CDC42SE2: variants seen among roughly 807,000 people sequenced by gnomAD.
The protein encoded by CDC42SE2 is CDC42 small effector 2.
Under a neutral mutation model 11.5 loss-of-function variants are expected in CDC42SE2, and 3 were observed. The ratio of observed to expected loss-of-function variants is 0.26; its 90% CI spans 0.12 to 0.67. The LOEUF (loss-of-function observed/expected upper bound fraction) is 0.67, where lower values mean the gene tolerates loss of function less well. Ranked by LOEUF, CDC42SE2 falls within the 30% of genes least tolerant of loss-of-function variation. The pLI is 0.80. For synonymous variants in CDC42SE2, 33 were observed against 34.8 expected (o/e 0.95, Z 0.18); for missense variants, 82 against 106.8 (o/e 0.77, Z 1.02).
At chr5:131,366,167 C>T (rs1243317405) in intron 3 of CDC42SE2, among the ~76,000 whole-genome samples, 1 of 152,192 alleles carries the variant, frequency 6.6e-6, no homozygotes, top group East Asian at 1.9e-4. Context: ...TGTAGATAGT[C>T]ACTTTGTAAT....
At chr5:131,255,852 G>C (rs1205742357) in intron 2 of CDC42SE2, among the ~76,000 whole-genome samples, 1 of 152,144 alleles carries the variant, frequency 6.6e-6, no homozygotes, top group Middle Eastern at 3.2e-3. Flanking sequence ...CAGGCATTGA[G>C]ATTTTATATG....
At chr5:131,311,692 C>T (rs368507628) in intron 1 of CDC42SE2, among the ~76,000 whole-genome samples, 2 of 152,124 alleles carry the variant, frequency 1.3e-5, no homozygotes, top group Non-Finnish European at 2.9e-5. Flanking sequence ...TTTCATTCAT[C>T]TCATCTTCCA....
At chr5:131,357,903 A>G (rs747266968) in intron 2 of CDC42SE2, among the ~76,000 whole-genome samples, 68 of 152,202 alleles carry the variant, frequency 4.5e-4, no homozygotes, top group Non-Finnish European at 1.8e-4. Flanking sequence ...AGTCTAAGGA[A>G]TAGTCCTCAG....
chr5:131,314,739 G>C (rs989395262), intron 1 of CDC42SE2, among the ~76,000 whole-genome samples: 1 of 152,100 alleles, frequency 6.6e-6, no homozygotes, highest in Admixed American at 6.6e-5. Flanking sequence ...AAATGTGTAA[G>C]TTTATAAAAT....
At chr5:131,293,675 T>C (rs1000332606) in intron 1 of CDC42SE2, among the ~76,000 whole-genome samples, 1 of 152,182 alleles carries the variant, frequency 6.6e-6, no homozygotes, top group Non-Finnish European at 1.5e-5. Context: ...CAAATTTTCA[T>C]TGTGTATAGG....
intron 2 of CDC42SE2, among the ~76,000 whole-genome samples, chr5:131,337,865 G>A (rs1467604492): frequency 6.6e-6 from 1 of 152,214 alleles, no homozygotes; most frequent in Admixed American, 6.5e-5. Flanking sequence ...GGTGCTGTCT[G>A]TCACCCTTTT....
the CDC42SE2 span, among the ~76,000 whole-genome samples, chr5:131,230,391 T>C: frequency 6.6e-6 from 1 of 152,232 alleles, no homozygotes; most frequent in Non-Finnish European, 1.5e-5. Context: ...ACTTAAGTAT[T>C]TCAAACAGGA....
chr5:131,238,458 G>T, the CDC42SE2 span, among the ~76,000 whole-genome samples: 1 of 147,972 alleles, frequency 6.8e-6, no homozygotes, highest in African/African-American at 2.5e-5. Context: ...AGCCAAGATC[G>T]TGCCACTGCA....
chr5:131,367,342 A>G (rs1483682432), intron 3 of CDC42SE2, among the ~76,000 whole-genome samples: 1 of 152,060 alleles, frequency 6.6e-6, no homozygotes, highest in Non-Finnish European at 1.5e-5. Context: ...GACTTTGAGT[A>G]TACTTGTTTC....
chr5:131,389,297 G>C (rs1166346793), intron 4 of CDC42SE2, among the ~76,000 whole-genome samples: 1 of 152,160 alleles, frequency 6.6e-6, no homozygotes, highest in Non-Finnish European at 1.5e-5. Flanking sequence ...ACAGGCCCTA[G>C]CCTCTTCACA....
chr5:131,222,712 A>T, the CDC42SE2 span, among the ~76,000 whole-genome samples: 19 of 152,286 alleles, frequency 1.2e-4, no homozygotes, highest in African/African-American at 4.8e-5. Flanking sequence ...CAGTTGTTTT[A>T]TCTCAGCGTC....
intron 3 of CDC42SE2, among the ~76,000 whole-genome samples, chr5:131,363,432 A>C (rs1290944478): frequency 2.0e-5 from 3 of 152,064 alleles, no homozygotes; most frequent in Non-Finnish European, 4.4e-5. Flanking sequence ...GCTGGAGTGC[A>C]ATGGTGCGAT....
chr5:131,280,613 C>T (rs1011145702), intron 1 of CDC42SE2, among the ~76,000 whole-genome samples: 3 of 152,000 alleles, frequency 2.0e-5, no homozygotes, highest in Non-Finnish European at 4.4e-5. Flanking sequence ...TCTTAAGAGC[C>T]CTCTTACCAT....
chr5:131,380,852 TTC>T (rs1406451256), intron 3 of CDC42SE2, among the ~76,000 whole-genome samples: 4 of 152,140 alleles, frequency 2.6e-5, no homozygotes, highest in African/African-American at 9.7e-5. Context: ...GTTGTCTCTG[TTC>T]TCTTTCTCCA....
chr5:131,336,572 A>C (rs1035116700), intron 2 of CDC42SE2, among the ~76,000 whole-genome samples: 8 of 152,206 alleles, frequency 5.3e-5, no homozygotes, highest in African/African-American at 1.9e-4. Flanking sequence ...GTGTTTTCCA[A>C]CTTGGTTCCA....
chr5:131,238,550 T>C, the CDC42SE2 span, among the ~76,000 whole-genome samples: 1 of 148,010 alleles, frequency 6.8e-6, no homozygotes, highest in Non-Finnish European at 1.5e-5. Context: ...GCAAAGCCCA[T>C]GGTACATATA....
chr5:131,337,600 G>T (rs1339066758), intron 2 of CDC42SE2, among the ~76,000 whole-genome samples: 1 of 152,236 alleles, frequency 6.6e-6, no homozygotes, highest in Non-Finnish European at 1.5e-5. Flanking sequence ...GCCTTCTTGA[G>T]CTGTGGTGGG....
intron 2 of CDC42SE2, among the ~76,000 whole-genome samples, chr5:131,322,894 G>A (rs1246651666): frequency 6.6e-6 from 1 of 152,050 alleles, no homozygotes; most frequent in Non-Finnish European, 1.5e-5. Flanking sequence ...ACCATTTTAC[G>A]GTATCACCAA....
intron 1 of CDC42SE2, among the ~76,000 whole-genome samples, chr5:131,279,738 G>C (rs1013106814): frequency 6.6e-6 from 1 of 151,896 alleles, no homozygotes; most frequent in Non-Finnish European, 1.5e-5. Context: ...AAAGTTACAG[G>C]CAGCATTTTC....
Sources: gnomAD v4.1 joint callset for allele counts (sites outside exome capture counted in the v4.1 genomes callset) on GRCh38, gnomAD v4.1.1 for gene constraint, MANE v1.5 for transcripts, NCBI Gene and HGNC (gene_info 2026-07-23, HGNC 2026-07-21) for gene names.